RARB: variants seen among roughly 807,000 people sequenced by gnomAD.
RARB encodes retinoic acid receptor beta, also known as HBV-activated protein.
Under a neutral mutation model 51.9 loss-of-function variants are expected in RARB, and 17 were observed. The observed-to-expected ratio is 0.33, with a 90% CI of 0.22 to 0.49. The LOEUF (loss-of-function observed/expected upper bound fraction) is 0.49, where lower values mean the gene tolerates loss of function less well. Ranked by LOEUF, RARB falls within the 20% of genes least tolerant of loss-of-function variation. The pLI is 0.99. For missense variants in RARB, 369 were observed against 550.8 expected (o/e 0.67, Z 3.30); for synonymous variants, 215 against 195.4 (o/e 1.10, Z -0.84).
chr3:25,246,077 A>G (rs762307573), intron 5 of RARB, among the ~76,000 whole-genome samples: 27 of 151,750 alleles, frequency 1.8e-4, no homozygotes, highest in Admixed American at 2.0e-4. Context: ...TTGATCTTCA[A>G]TCTCTGATAT....
At chr3:24,924,964 A>G (rs1695287120) in intron 2 of RARB, among the ~76,000 whole-genome samples, 2 of 152,218 alleles carry the variant, frequency 1.3e-5, no homozygotes, top group South Asian at 2.1e-4. Flanking sequence ...ACTATAGACA[A>G]TGCAAGCTTA....
At chr3:25,130,075 G>C (rs1699921605) in intron 3 of RARB, among the ~76,000 whole-genome samples, 1 of 151,990 alleles carries the variant, frequency 6.6e-6, no homozygotes, top group African/African-American at 2.4e-5. Context: ...GAAACTATAG[G>C]CAAAAATGTT....
chr3:25,251,512 T>C (rs1365763990), intron 5 of RARB, among the ~76,000 whole-genome samples: 2 of 152,166 alleles, frequency 1.3e-5, no homozygotes, highest in African/African-American at 4.8e-5. Flanking sequence ...AATTTCTCCA[T>C]ATCCTCTCCA....
chr3:25,452,903 C>T lies in RARB; in HGVS notation c.158-8290C>T, dbSNP rs182671971. On this transcript the variant is annotated intron_variant, in intron 1 of 7. Transcript: ENST00000330688. ...ATTAGTTCAGGCTCTTCTGGTACAA[C>T]TTTGAACACACTGCCAACTAAAAGC... Among the ~76,000 whole-genome samples the T allele has an allele frequency of 1.1e-3, 174 of 152,256 alleles. 1 individual carries two copies. Among genetic ancestry groups the T allele is most frequent in the Middle Eastern group, 3.4e-3 (1 of 294 alleles).
At chr3:25,055,912 C>T (rs188937808) in intron 2 of RARB, among the ~76,000 whole-genome samples, 148 of 152,186 alleles carry the variant, frequency 9.7e-4, no homozygotes, top group Non-Finnish European at 1.8e-3. Flanking sequence ...GTAAAGGGAT[C>T]TGGGGACATG....
chr3:25,011,658 T>C (rs1398893398), intron 2 of RARB, among the ~76,000 whole-genome samples: 1 of 152,090 alleles, frequency 6.6e-6, no homozygotes, highest in African/African-American at 2.4e-5. Flanking sequence ...CATTCATCTG[T>C]GCATCCATTC....
At chr3:24,862,733 G>A (rs978417063) in intron 2 of RARB, among the ~76,000 whole-genome samples, 20 of 152,132 alleles carry the variant, frequency 1.3e-4, no homozygotes, top group African/African-American at 4.6e-4. Flanking sequence ...GTATAAGGAG[G>A]GGGCTACTCT....
chr3:25,471,561 G>T (rs1405300802), intron 2 of RARB, among the ~76,000 whole-genome samples: 19 of 150,448 alleles, frequency 1.3e-4, no homozygotes, highest in African/African-American at 4.1e-4. Flanking sequence ...GTTGGGGGCG[G>T]GGGGAGTGAA....
chr3:25,073,565 A>G (rs1214636550), intron 3 of RARB, among the ~76,000 whole-genome samples: 1 of 152,236 alleles, frequency 6.6e-6, no homozygotes, highest in Non-Finnish European at 1.5e-5. Flanking sequence ...GTAAACCTCT[A>G]AGAGTATGAA....
At chr3:25,157,569 T>TA (rs34490775) in intron 4 of RARB, among the ~76,000 whole-genome samples, 1 of 151,614 alleles carries the variant, frequency 6.6e-6, no homozygotes, top group Non-Finnish European at 1.5e-5. Flanking sequence ...AGCTAATTTT[T>TA]TATTTTTAGT....
chr3:25,593,140 T>C (rs1469380648), intron 5 of RARB, among the ~76,000 whole-genome samples: 1 of 152,046 alleles, frequency 6.6e-6, no homozygotes. Context: ...GACTGTAAGC[T>C]CTTAAAAAAT....
chr3:25,171,440 AT>A (rs1157902711), intron 4 of RARB, among the ~76,000 whole-genome samples: 3,687 of 32,176 alleles, frequency 0.11, 72 homozygotes, highest in African/African-American at 0.15. Context: ...CGACACATTG[AT>A]TTTTTTTTTT....
In RARB at chr3:25,130,912, ATAT is replaced by A. The variant is rs1278095722; in HGVS notation, c.-327-1245_-327-1243del. On this transcript the variant is annotated intron_variant, in intron 3 of 11. Coordinates refer to the RARB transcript ENST00000383772. ...ATTGATAATATCAATATTATTGATA[ATAT>A]TATCAATATTTATCATTGATAATAT... Among the ~76,000 whole-genome samples the A allele has an allele frequency of 8.6e-3, 228 of 26,636 alleles. 5 individuals carry two copies. The highest frequency in any genetic ancestry group is 0.084 in the Admixed American group (155 of 1,836). The allele number at this position is 26,636 out of a possible 152,430, so 17.5% of individuals were successfully genotyped here.
intron 2 of RARB, among the ~76,000 whole-genome samples, chr3:24,895,574 A>G (rs1297476695): frequency 2.0e-5 from 3 of 150,788 alleles, no homozygotes; most frequent in African/African-American, 4.9e-5. Context: ...TTTTCTTTCT[A>G]TATGCTAATT....
intron 5 of RARB, among the ~76,000 whole-genome samples, chr3:25,345,664 CAAAAAAAAAA>C (rs71061207): frequency 3.1e-5 from 3 of 96,506 alleles, no homozygotes; most frequent in South Asian, 3.2e-4. Context: ...GACTCCGTCT[CAAAAAAAAAA>C]AAAAAAAAAA....
intron 1 of RARB, among the ~76,000 whole-genome samples, chr3:25,460,693 C>T (rs903487293): frequency 6.6e-6 from 1 of 152,138 alleles, no homozygotes; most frequent in Non-Finnish European, 1.5e-5. Context: ...GGTGATCCCC[C>T]TGCCTCAGCC....
chr3:25,018,331 A>G (rs2125283447), intron 2 of RARB, among the ~76,000 whole-genome samples: 1 of 152,328 alleles, frequency 6.6e-6, no homozygotes, highest in South Asian at 2.1e-4. Flanking sequence ...AAAGCAGTAT[A>G]ATCATTCTTC....
At chr3:25,340,574 A>C (rs912702956) in intron 5 of RARB, among the ~76,000 whole-genome samples, 5 of 152,226 alleles carry the variant, frequency 3.3e-5, no homozygotes, top group Non-Finnish European at 7.3e-5. Flanking sequence ...ACAAAACATT[A>C]CTTAGAAGCA....
intron 5 of RARB, among the ~76,000 whole-genome samples, chr3:25,192,044 A>G (rs965376704): frequency 6.6e-6 from 1 of 152,140 alleles, no homozygotes; most frequent in Non-Finnish European, 1.5e-5. Flanking sequence ...AAAGTGTAAC[A>G]ATGATTGAGA....
Sources: gnomAD v4.1 joint callset for allele counts (sites outside exome capture counted in the v4.1 genomes callset) on GRCh38, gnomAD v4.1.1 for gene constraint, MANE v1.5 for transcripts, NCBI Gene and HGNC (gene_info 2026-07-23, HGNC 2026-07-21) for gene names.